Variants in RUFY3 observed in about 807,000 individuals in gnomAD.
RUFY3 encodes the protein protein RUFY3.
RUFY3 carries 34 observed loss-of-function variants against 84.0 expected under a neutral mutation model. The observed-to-expected ratio is 0.40, with a 90% CI of 0.31 to 0.54. RUFY3 has a LOEUF of 0.54. RUFY3 is among the 20% of genes least tolerant of loss of function. RUFY3 has a pLI of 0.39. For missense variants in RUFY3, 507 were observed against 736.8 expected (o/e 0.69, Z 3.61); for synonymous variants, 242 against 252.9 (o/e 0.96, Z 0.41).
At chr4:70,745,940 C>T (rs1393175795) in intron 1 of RUFY3, among the ~76,000 whole-genome samples, 1 of 151,982 alleles carries the variant, frequency 6.6e-6, no homozygotes, top group Non-Finnish European at 1.5e-5. Context: ...CAAAAAATTG[C>T]TGAGGCGAGG....
At chr4:70,758,804 CCGAGG>C (rs1023284140) in intron 1 of RUFY3, among the ~76,000 whole-genome samples, 5 of 151,916 alleles carry the variant, frequency 3.3e-5, no homozygotes. Flanking sequence ...TTGTGGGAGG[CCGAGG>C]CAGGTAGATC....
intron 1 of RUFY3, among the ~76,000 whole-genome samples, chr4:70,730,492 A>T (rs1393793742): frequency 6.6e-6 from 1 of 151,028 alleles, no homozygotes; most frequent in African/African-American, 2.4e-5. Flanking sequence ...TAATCCCAGC[A>T]CTTTGGGAGG....
At chr4:70,781,852 G>A (rs529543489) in intron 8 of RUFY3, among the ~76,000 whole-genome samples, 3 of 152,112 alleles carry the variant, frequency 2.0e-5, no homozygotes, top group Non-Finnish European at 4.4e-5. Context: ...TATTCCTCTC[G>A]GCCTCATACA....
chr4:70,743,614 G>A (rs906751651), intron 1 of RUFY3, among the ~76,000 whole-genome samples: 1 of 151,672 alleles, frequency 6.6e-6, no homozygotes. Flanking sequence ...GATTTTTGTC[G>A]ATGGTTATTA....
intron 1 of RUFY3, among the ~76,000 whole-genome samples, chr4:70,755,354 A>G (rs1335094729): frequency 6.6e-6 from 1 of 152,256 alleles, no homozygotes; most frequent in Non-Finnish European, 1.5e-5. Flanking sequence ...AGAATTGCAT[A>G]TAACATACTT....
At chr4:70,776,669 G>T (rs561319858) in intron 7 of RUFY3, among the ~76,000 whole-genome samples, 1 of 152,124 alleles carries the variant, frequency 6.6e-6, no homozygotes, top group Non-Finnish European at 1.5e-5. Flanking sequence ...CCAGCTGCTC[G>T]GGAGGCTGAG....
chr4:70,760,971 A>G (rs1045786997), intron 1 of RUFY3, among the ~76,000 whole-genome samples: 1 of 152,264 alleles, frequency 6.6e-6, no homozygotes, highest in Non-Finnish European at 1.5e-5. Flanking sequence ...TAACTTTGAA[A>G]GCAGATATAA....
intron 4 of RUFY3, among the ~76,000 whole-genome samples, chr4:70,765,434 T>C (rs1414966678): frequency 1.3e-5 from 2 of 152,074 alleles, no homozygotes; most frequent in African/African-American, 4.8e-5. Flanking sequence ...ATTTCTAGGA[T>C]TTCAGTACTG....
intron 6 of RUFY3, among the ~76,000 whole-genome samples, chr4:70,774,670 T>TATATATATATATATATATAAAA: frequency 1.2e-5 from 1 of 81,072 alleles, no homozygotes; most frequent in South Asian, 4.3e-4. Context: ...TATATATATA[T>TATATATATATATATATATAAAA]AAAATAAACA....
chr4:70,793,940 A>G, intron 13 of RUFY3, 36 bp downstream of exon 13: 2 of 1,610,252 alleles, frequency 1.2e-6, no homozygotes, highest in Non-Finnish European at 1.7e-6. Flanking sequence ...CAGGGTGGTC[A>G]TGGGTAATTC....
At chr4:70,741,501 T>C in intron 1 of RUFY3, 1 of 671,522 alleles carries the variant, frequency 1.5e-6, no homozygotes. Flanking sequence ...CTGTGATAAG[T>C]AGAAAGAATC....
At chr4:70,781,556 C>T (rs1308523041) in intron 8 of RUFY3, among the ~76,000 whole-genome samples, 1 of 152,224 alleles carries the variant, frequency 6.6e-6, no homozygotes, top group East Asian at 1.9e-4. Context: ...GATCTGCAGC[C>T]ATAATCAGGT....
intron 1 of RUFY3, among the ~76,000 whole-genome samples, chr4:70,757,326 C>G (rs1020159929): frequency 6.6e-6 from 1 of 151,508 alleles, no homozygotes; most frequent in African/African-American, 2.4e-5. Context: ...TGTTCTGGGC[C>G]GGGCGCGGTG....
intron 1 of RUFY3, among the ~76,000 whole-genome samples, chr4:70,730,997 A>C (rs1719168505): frequency 6.6e-6 from 1 of 151,974 alleles, no homozygotes; most frequent in African/African-American, 2.4e-5. Context: ...CATGCAGATA[A>C]GGCCAAAAGC....
intron 10 of RUFY3, among the ~76,000 whole-genome samples, chr4:70,786,631 A>G (rs1378739476): frequency 6.6e-6 from 1 of 152,136 alleles, no homozygotes; most frequent in Non-Finnish European, 1.5e-5. Flanking sequence ...CACAATTTTT[A>G]TATTATCAAA....
At chr4:70,726,430 T>C (rs1368198241) in intron 1 of RUFY3, among the ~76,000 whole-genome samples, 2 of 152,120 alleles carry the variant, frequency 1.3e-5, no homozygotes, top group African/African-American at 4.8e-5. Flanking sequence ...TGGCGCTATC[T>C]CAGTTCACTG....
At chr4:70,715,101 A>G (rs1741412726) in intron 1 of RUFY3, among the ~76,000 whole-genome samples, 1 of 152,228 alleles carries the variant, frequency 6.6e-6, no homozygotes, top group Admixed American at 6.5e-5. Flanking sequence ...TATGAAGTGT[A>G]TAAACTTAAA....
At chr4:70,744,188 A>AATTTT (rs1331038889) in intron 1 of RUFY3, among the ~76,000 whole-genome samples, 2 of 151,996 alleles carry the variant, frequency 1.3e-5, no homozygotes, top group South Asian at 2.1e-4. Flanking sequence ...GCTTTTTTAA[A>AATTTT]ATTTTATTTT....
intron 1 of RUFY3, among the ~76,000 whole-genome samples, chr4:70,716,615 G>A (rs991155027): frequency 6.6e-6 from 1 of 152,024 alleles, no homozygotes; most frequent in African/African-American, 2.4e-5. Flanking sequence ...AGGCCGAGAT[G>A]GGCAGATCAC....
Sources: allele counts gnomAD v4.1 joint callset (sites outside exome capture counted in the v4.1 genomes callset), GRCh38; gene constraint gnomAD v4.1.1; transcripts MANE v1.5; gene names NCBI Gene and HGNC (gene_info 2026-07-23, HGNC 2026-07-21).